The following CAPSL variants were observed in gnomAD, a reference collection of about 807,000 sequenced individuals.
CAPSL encodes calcyphosin-like protein.
CAPSL carries 17 observed loss-of-function variants against 21.3 expected under a neutral mutation model. The observed-to-expected ratio is 0.80, with a 90% CI of 0.55 to 1.20. The LOEUF (loss-of-function observed/expected upper bound fraction) is 1.20, where lower values mean the gene tolerates loss of function less well. Ranked by LOEUF, CAPSL falls within the 50% of genes most tolerant of loss-of-function variation. The pLI, the probability that CAPSL is intolerant of heterozygous loss-of-function variation, is 0.00. For missense variants in CAPSL, 289 were observed against 259.3 expected, an observed-to-expected ratio of 1.11 and a Z score of -0.79; for synonymous variants, 102 against 89.3, an observed-to-expected ratio of 1.14 and a Z score of -0.80.
chr5:35,918,463 G>C (rs562339801), intron 2 of CAPSL, among the ~76,000 whole-genome samples: 2 of 152,120 alleles, frequency 1.3e-5, no homozygotes, highest in African/African-American at 2.4e-5. Context: ...TGAACTTCAG[G>C]GGGTGGAGGG....
At chr5:35,928,952 T>C (rs1021993102) in intron 1 of CAPSL, among the ~76,000 whole-genome samples, 3 of 152,208 alleles carry the variant, frequency 2.0e-5, no homozygotes, top group African/African-American at 7.2e-5. Flanking sequence ...TTGTTTTTAG[T>C]TGGTTTTCCT....
intron 2 of CAPSL, among the ~76,000 whole-genome samples, chr5:35,919,536 G>A (rs777004827): frequency 6.6e-6 from 1 of 152,198 alleles, no homozygotes; most frequent in Admixed American, 6.5e-5. Flanking sequence ...AATGCTAAAT[G>A]TTGTGCAGGG....
intron 1 of CAPSL, among the ~76,000 whole-genome samples, chr5:35,928,236 GACCTA>G (rs1406450985): frequency 6.6e-6 from 1 of 152,146 alleles, no homozygotes; most frequent in Non-Finnish European, 1.5e-5. Context: ...GAGTCCTTGT[GACCTA>G]ACCAACTCCT....
intron 2 of CAPSL, among the ~76,000 whole-genome samples, chr5:35,916,101 C>T (rs373603782): frequency 6.6e-6 from 1 of 152,144 alleles, no homozygotes; most frequent in Non-Finnish European, 1.5e-5. Context: ...CATGAGTGAA[C>T]TCCCATTCAC....
chr5:35,906,840 G>T (rs562790634), intron 4 of CAPSL, among the ~76,000 whole-genome samples: 77 of 152,268 alleles, frequency 5.1e-4, no homozygotes, highest in African/African-American at 1.8e-3. Flanking sequence ...ATGGGCAAAA[G>T]ATAAAGGAAG....
chr5:35,920,897 C>T (rs1738518136), intron 2 of CAPSL, 87 bp downstream of exon 2: 1 of 1,443,176 alleles, frequency 6.9e-7, no homozygotes, highest in African/African-American at 1.4e-5. Flanking sequence ...GAGATGACTT[C>T]CCCAAGACCA....
chr5:35,919,170 A>AAAAAAAATATATAT lies in CAPSL; in HGVS notation c.137+1813_137+1814insATATATATTTTTTT, dbSNP rs754098152. ...AGTATCTTTCCTGATTAAAAAAAAA[A>AAAAAAAATATATAT]ATATATATATATATATATATAAAAA... On this transcript the variant is annotated intron_variant, in intron 2 of 4. Transcript: ENST00000651391. Among the ~76,000 whole-genome samples the AAAAAAAATATATAT allele has an allele frequency of 7.4e-5, 9 of 121,276 alleles. No homozygotes were observed. The South Asian group carries it at 2.4e-3, about 32-fold the overall frequency. 79.6% of individuals were successfully genotyped at this position (121,276 alleles called of 152,430 possible).
chr5:35,919,192 A>ATATATATATATATATATAT (rs1561439742), intron 2 of CAPSL, among the ~76,000 whole-genome samples: 7 of 108,258 alleles, frequency 6.5e-5, no homozygotes, highest in African/African-American at 2.2e-4. Flanking sequence ...TATATATATA[A>ATATATATATATATATATAT]AAATTGTGAA....
chr5:35,927,158 A>G (rs1330867042), intron 1 of CAPSL, among the ~76,000 whole-genome samples: 1 of 152,128 alleles, frequency 6.6e-6, no homozygotes, highest in East Asian at 1.9e-4. Context: ...TTTGCACCAC[A>G]CTGCTTGAGA....
chr5:35,930,814 C>T (rs1028987015), intron 1 of CAPSL, among the ~76,000 whole-genome samples: 1 of 152,086 alleles, frequency 6.6e-6, no homozygotes, highest in Admixed American at 6.5e-5. Context: ...TTTTCTCTGC[C>T]CTATTCCACT....
chr5:35,916,275 A>T (rs1738382633), intron 2 of CAPSL, among the ~76,000 whole-genome samples: 1 of 152,072 alleles, frequency 6.6e-6, no homozygotes. Flanking sequence ...TATCTTGAAA[A>T]TGGCCATACT....
intron 2 of CAPSL, 87 bp from the exon 3 acceptor site, chr5:35,910,630 T>C (rs993291018): frequency 2.0e-6 from 2 of 997,860 alleles, no homozygotes; most frequent in Non-Finnish European, 2.9e-6. Flanking sequence ...ACACTCAAGG[T>C]TTCGTCAAAT....
intron 2 of CAPSL, among the ~76,000 whole-genome samples, chr5:35,911,982 G>A (rs60836927): frequency 0.016 from 2,504 of 152,238 alleles, 53 homozygotes; most frequent in African/African-American, 0.047. Flanking sequence ...GGTGACAGAC[G>A]GCACCTGGAA....
At chr5:35,916,696 C>T (rs1738396007) in intron 2 of CAPSL, among the ~76,000 whole-genome samples, 1 of 152,212 alleles carries the variant, frequency 6.6e-6, no homozygotes. Context: ...CTTCCTTACA[C>T]CTTACACAAA....
At chr5:35,916,730 A>G (rs566733024) in intron 2 of CAPSL, among the ~76,000 whole-genome samples, 2 of 152,356 alleles carry the variant, frequency 1.3e-5, no homozygotes, top group Admixed American at 1.3e-4. Context: ...TGGATTAAAG[A>G]CTTACATGTT....
At chr5:35,921,357 A>G (rs1176669936) in intron 1 of CAPSL, among the ~76,000 whole-genome samples, 2 of 152,114 alleles carry the variant, frequency 1.3e-5, no homozygotes, top group East Asian at 3.8e-4. Context: ...ATATATCACC[A>G]TTTCCCAAGA....
intron 1 of CAPSL, among the ~76,000 whole-genome samples, chr5:35,922,134 T>G (rs538981299): frequency 1.3e-3 from 194 of 151,192 alleles, no homozygotes; most frequent in Non-Finnish European, 2.1e-3. Flanking sequence ...CCCTCCCCAG[T>G]CAAATTCTGG....
chr5:35,928,070 A>G (rs1446854671), intron 1 of CAPSL, among the ~76,000 whole-genome samples: 1 of 152,190 alleles, frequency 6.6e-6, no homozygotes, highest in African/African-American at 2.4e-5. Context: ...GGCAAGGACT[A>G]TTCTCTCGGC....
At chr5:35,927,920 G>C (rs1738725836) in intron 1 of CAPSL, among the ~76,000 whole-genome samples, 1 of 152,154 alleles carries the variant, frequency 6.6e-6, no homozygotes, top group South Asian at 2.1e-4. Flanking sequence ...AATAAATATT[G>C]CATTCCAGAG....
Sources: allele counts gnomAD v4.1 joint callset (sites outside exome capture counted in the v4.1 genomes callset), GRCh38; gene constraint gnomAD v4.1.1; transcripts MANE v1.5; gene names NCBI Gene and HGNC (gene_info 2026-07-23, HGNC 2026-07-21).